TEFM: variants seen among roughly 807,000 people sequenced by gnomAD.
TEFM encodes the protein transcription elongation factor of mitochondria.
A neutral mutation model predicts 23.0 loss-of-function variants in TEFM; 14 were observed. That is an observed-to-expected ratio of 0.61 (90% CI 0.40 to 0.95). The LOEUF is 0.95. Among genes scored for constraint, TEFM ranks in the 40% least tolerant of loss-of-function variants. The probability of loss-of-function intolerance (pLI) is 0.00; values close to 1 mark genes in which losing one functional copy is unlikely to be tolerated. For synonymous variants in TEFM, 155 were observed against 158.3 expected (o/e 0.98, Z 0.16); for missense variants, 386 against 425.5 (o/e 0.91, Z 0.82).
rs762512479 is a variant in TEFM at position 30,904,086 on chromosome 17, T to G, written c.475A>C (p.Ile159Leu). 2.5e-6 allele frequency: 4 copies of G among 1,613,538 alleles called. No individual in the cohort carries two copies. The Middle Eastern group carries it at 4.9e-4, about 199-fold the overall frequency. ...RFLRKLLKPD[I>L]ERERLKAVNS... Reference sequence around the variant, plus strand: ...TATACCTTAAGTCTTTCTCTTTCTATGTCTGGTTTGAGGAGCTTTCTCAGG... The same window carrying G: ...TATACCTTAAGTCTTTCTCTTTCTAGGTCTGGTTTGAGGAGCTTTCTCAGG... Residue 159 changes from isoleucine (I) to leucine (L), a missense_variant, in exon 2 of 4, where the codon ATA (isoleucine) becomes CTA (leucine). Physicochemically the swap from Ile to Leu is conservative, Grantham distance 5. Coordinates refer to ENST00000581216, the MANE Select transcript of TEFM (RefSeq NM_024683.4).
chr17:30,902,324 C>G (rs898814628), intron 2 of TEFM, among the ~76,000 whole-genome samples: 1 of 152,156 alleles, frequency 6.6e-6, no homozygotes, highest in African/African-American at 2.4e-5. Flanking sequence ...TACAGACTTC[C>G]TTTTGGTTTT....
Position 30,904,449 on chromosome 17 carries a change from T to C in TEFM, c.112A>G (p.Thr38Ala), listed in dbSNP as rs1219256744. 3.7e-6 allele frequency: 6 copies of C among 1,614,154 alleles called. No individual in the cohort carries two copies. Among genetic ancestry groups the C allele is most frequent in the Non-Finnish European group, 3.4e-6 (4 of 1,180,030 alleles). The change falls in exon 2 of 4, where the codon ACT becomes GCT. Residue 38 changes from threonine (T) to alanine (A), a missense_variant. Transcript: ENST00000581216. ...LHNFCCRKKS[T>A]TPKKITPNVT... ...TTGGGAGTAATTTTCTTAGGTGTAG[T>C]GGATTTTTTCCGACAGCAGAAATTA...
intron 2 of TEFM, among the ~76,000 whole-genome samples, chr17:30,903,793 C>T (rs1022941608): frequency 6.6e-6 from 1 of 152,152 alleles, no homozygotes; most frequent in Admixed American, 6.6e-5. Context: ...TTTCTACCTA[C>T]AATGCCCTCC....
rs1910124107 is a variant in TEFM at position 30,904,494 on chromosome 17, A to G, written c.67T>C (p.Ser23Pro). Residue 23 changes from serine (S) to proline (P), a missense_variant, in exon 2 of 4, where the codon TCC becomes CCC. Transcript: ENST00000581216. ...AAATTATGTAAGGCCCAGTACAGGG[A>G]TGACCTCGACGGGGTCAGAAAGCAT... ...WRCFLTPSRS[S>P]LYWALHNFCC... is the part of the protein sequence containing the mutation. The G allele has an allele frequency of 6.2e-7, 1 of 1,612,814 alleles. No individual in the cohort carries two copies.
In TEFM at chr17:30,904,512, G is replaced by C. The variant is rs1567706675; in HGVS notation, c.49C>G (p.Leu17Val). The change falls in exon 2 of 4, where the codon CTG (leucine) becomes GTG (valine). Residue 17 changes from leucine (L) to valine (V), a missense_variant. By Grantham distance (32) the Leu-to-Val change is conservative (BLOSUM62 1). Transcript: ENST00000581216. ...TACAGGGATGACCTCGACGGGGTCA[G>C]AAAGCATCTCCACCTCTCTAAAAGG... ...FTAGERWRCF[L>V]TPSRSSLYWA... is the part of the protein sequence containing the mutation. 2 of 1,606,536 alleles carry C rather than the reference G, an allele frequency of 1.2e-6. No individual in the cohort carries two copies. Among genetic ancestry groups the C allele is most frequent in the Non-Finnish European group, 1.7e-6 (2 of 1,176,002 alleles).
In TEFM at chr17:30,899,565, A is replaced by G; in HGVS notation, c.687T>C (p.Tyr229=). 2 of 1,587,354 alleles carry G rather than the reference A, an allele frequency of 1.3e-6. No individual in the cohort carries two copies. The highest frequency in any genetic ancestry group is 1.7e-6 in the Non-Finnish European group (2 of 1,166,394). The part of the protein sequence containing the change: ...IISKMPKADF[Y]VLEKTGLSIQ... The stretch of plus-strand genomic sequence containing the variant: ...TGGAAAGTCCTGTTTTTTCCAGAAC[A>G]TAGAAATCTGCTTTAGGCATCTTTG... Residue 229 remains tyrosine, a synonymous_variant, in exon 4 of 4, where the codon TAT becomes TAC. Transcript: ENST00000581216.
chr17:30,899,634 A>G (rs9897628), intron 3 of TEFM, 28 bp from the exon 4 acceptor site: 569,807 of 1,435,106 alleles, frequency 0.4, 119,249 homozygotes, highest in African/African-American at 0.76. Context: ...AAATAAAGGA[A>G]CAGAAATAAT....
In TEFM at chr17:30,899,222, A is replaced by G. The variant is rs1462793432; in HGVS notation, c.1030T>C (p.Leu344=). The G allele has an allele frequency of 5.6e-6, 9 of 1,612,336 alleles. No homozygotes were observed. The East Asian group carries it at 2.0e-4, about 36-fold the overall frequency. ...LQRVEELYDS[L]LQAIAFYELA... ...TCATAGAAGGCAATAGCTTGTAATA[A>G]TGAATCATAAAGCTCTTCTACTCTT... The change falls in exon 4 of 4, where the codon TTA becomes CTA. Residue 344 remains leucine, a synonymous_variant. Coordinates refer to ENST00000581216, the MANE Select transcript of TEFM (RefSeq NM_024683.4).
intron 2 of TEFM, 75 bp from the exon 3 acceptor site, chr17:30,900,637 T>C: frequency 4.5e-6 from 6 of 1,341,314 alleles, no homozygotes; most frequent in African/African-American, 1.5e-5. Flanking sequence ...AGTCTCGCTC[T>C]GTCTCCCAGG....
chr17:30,899,295 T>C lies in TEFM; in HGVS notation c.957A>G (p.Ser319=), dbSNP rs764756661. ...LKADPRVFFP[S]DKIVHYRQMF... ...TCTGTCTGTAGTGAACTATTTTATC[T>C]GATGGGAAGAACACCCGAGGATCCG... is the stretch of plus-strand genomic sequence containing the variant. Residue 319 remains serine, a synonymous_variant, in exon 4 of 4, where the codon TCA becomes TCG. Transcript: ENST00000581216. 2.5e-6 allele frequency: 4 copies of C among 1,614,262 alleles called. No individual in the cohort carries two copies. Among genetic ancestry groups the C allele is most frequent in the Admixed American group, 1.7e-5 (1 of 60,030 alleles).
intron 2 of TEFM, 45 bp downstream of exon 2, chr17:30,904,021 T>A (rs1416632687): frequency 5.2e-6 from 8 of 1,537,276 alleles, no homozygotes; most frequent in Non-Finnish European, 7.1e-6. Context: ...CTTTCTAGAG[T>A]AGGTTCTCAA....
chr17:30,899,282 G>A lies in TEFM; in HGVS notation c.970C>T (p.His324Tyr). Residue 324 changes from histidine to tyrosine, a missense_variant, in exon 4 of 4, where the codon CAC becomes TAC. Coordinates refer to ENST00000581216, the MANE Select transcript of TEFM (RefSeq NM_024683.4). The part of the protein sequence containing the change: ...RVFFPSDKIV[H>Y]YRQMFLSTEL... ...GTAGATAAAAACATCTGTCTGTAGT[G>A]AACTATTTTATCTGATGGGAAGAAC... is the stretch of plus-strand genomic sequence containing the variant. 1.2e-6 allele frequency: 2 copies of A among 1,614,182 alleles called. No individual in the cohort carries two copies. Among genetic ancestry groups the A allele is most frequent in the Non-Finnish European group, 8.5e-7 (1 of 1,180,022 alleles).
At chr17:30,900,663 G>T in intron 2 of TEFM, 101 bp from the exon 3 acceptor site, 1 of 1,039,810 alleles carries the variant, frequency 9.6e-7, no homozygotes, top group Non-Finnish European at 1.4e-6. Context: ...GTGCAGTGGC[G>T]CGATCTCAAC....
Position 30,899,349 on chromosome 17 carries a change from C to T in TEFM, c.903G>A (p.Lys301=). 6.2e-7 allele frequency: 1 copy of T among 1,614,222 alleles called. No homozygotes were observed. The highest frequency in any genetic ancestry group is 1.1e-5 in the South Asian group (1 of 91,088). ...DSRTSGKELV[K]QFLFDSILKA... ...TCAGTATAGAATCGAAGAGAAACTG[C>T]TTCACTAGCTCTTTTCCACTAGTCC... is the stretch of plus-strand genomic sequence containing the variant. Residue 301 remains lysine (K), a synonymous_variant, in exon 4 of 4, where the codon AAG becomes AAA. Coordinates refer to ENST00000581216, the MANE Select transcript of TEFM (RefSeq NM_024683.4).
Position 30,904,510 on chromosome 17 carries a change from C to G in TEFM, c.51G>C (p.Leu17=). ...FTAGERWRCF[L]TPSRSSLYWA... Reference sequence around the variant, plus strand: ...AGTACAGGGATGACCTCGACGGGGTCAGAAAGCATCTCCACCTCTCTAAAA... The same window carrying G: ...AGTACAGGGATGACCTCGACGGGGTGAGAAAGCATCTCCACCTCTCTAAAA... The change falls in exon 2 of 4, where the codon CTG becomes CTC. Residue 17 remains leucine, a synonymous_variant. Coordinates refer to ENST00000581216, the MANE Select transcript of TEFM (RefSeq NM_024683.4). 6.2e-7 allele frequency: 1 copy of G among 1,606,628 alleles called. No individual in the cohort carries two copies. Among genetic ancestry groups the G allele is most frequent in the South Asian group, 1.1e-5 (1 of 90,026 alleles).
chr17:30,899,085 T>C lies in TEFM; in HGVS notation c.*84A>G. The C allele has an allele frequency of 1.6e-6, 2 of 1,269,228 alleles. No individual in the cohort carries two copies. Among genetic ancestry groups the C allele is most frequent in the Non-Finnish European group, 2.2e-6 (2 of 929,922 alleles). 78.6% of individuals were successfully genotyped at this position (1,269,228 alleles called of 1,614,324 possible). Reference sequence around the variant, plus strand: ...CATCTAAAATACACTGAAAATGTGTTCTTTTCCAATAACATGGATGTTCAC... The same window carrying C: ...CATCTAAAATACACTGAAAATGTGTCCTTTTCCAATAACATGGATGTTCAC... On this transcript the variant is annotated 3_prime_UTR_variant, in exon 4 of 4. Coordinates refer to ENST00000581216, the MANE Select transcript of TEFM (RefSeq NM_024683.4).
chr17:30,902,755 A>G (rs1047395167), intron 2 of TEFM, among the ~76,000 whole-genome samples: 2 of 151,712 alleles, frequency 1.3e-5, no homozygotes, highest in African/African-American at 4.9e-5. Context: ...AAACGGACCC[A>G]CTGGTCCAGA....
chr17:30,906,191 C>A lies in TEFM; in HGVS notation c.8G>T (p.Gly3Val). 1 of 1,614,240 alleles carries A rather than the reference C, an allele frequency of 6.2e-7. No individual in the cohort carries two copies. Among genetic ancestry groups the A allele is most frequent in the Non-Finnish European group, 8.5e-7 (1 of 1,180,018 alleles). Residue 3 changes from glycine to valine, a missense_variant, in exon 1 of 4, where the codon GGG becomes GTG. By Grantham distance (109) the Gly-to-Val change is moderately radical (BLOSUM62 -3). Coordinates refer to ENST00000581216, the MANE Select transcript of TEFM (RefSeq NM_024683.4). Reference protein sequence around the residue: MSGSVLFTAGERW... With the variant: MSVSVLFTAGERW... The stretch of plus-strand genomic sequence containing the variant: ...ACCTCCCGCCGTGAAGAGGACAGAC[C>A]CGCTCATCTCCAAGTTGAATCAGTA...
In TEFM at chr17:30,899,069, T is replaced by C. The variant is rs1190982972; in HGVS notation, c.*100A>G. ...AAAGTCAGAATTTAAACATCTAAAA[T>C]ACACTGAAAATGTGTTCTTTTCCAA... On this transcript the variant is annotated 3_prime_UTR_variant, in exon 4 of 4. Transcript: ENST00000581216. The C allele has an allele frequency of 8.5e-7, 1 of 1,171,830 alleles. No individual in the cohort carries two copies. Among genetic ancestry groups the C allele is most frequent in the African/African-American group, 1.5e-5 (1 of 65,420 alleles). The allele number at this position is 1,171,830 out of a possible 1,614,324, so 72.6% of individuals were successfully genotyped here.
Sources: allele counts gnomAD v4.1 joint callset (sites outside exome capture counted in the v4.1 genomes callset), GRCh38; gene constraint gnomAD v4.1.1; transcripts MANE v1.5; gene names NCBI Gene and HGNC (gene_info 2026-07-23, HGNC 2026-07-21).